The following ITGB3 variants were observed in gnomAD, a reference collection of about 807,000 sequenced individuals.
ITGB3 encodes the protein integrin beta-3.
In ITGB3, 48 loss-of-function variants were observed where a neutral mutation model predicts 85.8. That is an observed-to-expected ratio of 0.56 (90% CI 0.44 to 0.71). The LOEUF (loss-of-function observed/expected upper bound fraction) is 0.71. Ranked by LOEUF, ITGB3 falls within the 30% of genes least tolerant of loss-of-function variation. The pLI is 0.00. For synonymous variants in ITGB3, 363 were observed against 395.6 expected, an observed-to-expected ratio of 0.92 and a Z score of 0.98; for missense variants, 861 against 1,019.1, an observed-to-expected ratio of 0.84 and a Z score of 2.11.
intron 1 of ITGB3, among the ~76,000 whole-genome samples, chr17:47,268,240 C>A (rs770244682): frequency 6.6e-6 from 1 of 152,090 alleles, no homozygotes; most frequent in Non-Finnish European, 1.5e-5. Context: ...ACTGCCAAAC[C>A]ATATCATTTC....
chr17:47,287,911 C>CTTTTTTTT (rs60463106), intron 6 of ITGB3, among the ~76,000 whole-genome samples: 29 of 55,396 alleles, frequency 5.2e-4, no homozygotes, highest in African/African-American at 7.3e-4. Context: ...ACCACCCCTG[C>CTTTTTTTT]TTTTTTTTTT....
chr17:47,280,800 G>A (rs1317815183), intron 2 of ITGB3, among the ~76,000 whole-genome samples: 1 of 152,178 alleles, frequency 6.6e-6, no homozygotes, highest in Non-Finnish European at 1.5e-5. Context: ...CTTGCATCCT[G>A]TTCCCTACCT....
intron 10 of ITGB3, among the ~76,000 whole-genome samples, chr17:47,294,365 A>T (rs1372884371): frequency 6.6e-6 from 1 of 152,254 alleles, no homozygotes; most frequent in Non-Finnish European, 1.5e-5. Flanking sequence ...GGGCACCCCC[A>T]GTCCTCCTCC....
chr17:47,308,730 G>A (rs1196415156), intron 14 of ITGB3, among the ~76,000 whole-genome samples: 1 of 152,144 alleles, frequency 6.6e-6, no homozygotes, highest in Non-Finnish European at 1.5e-5. Context: ...TCGAACTCCT[G>A]ACCTCGTGAT....
At chr17:47,280,641 G>A (rs958957759) in intron 2 of ITGB3, among the ~76,000 whole-genome samples, 4 of 152,216 alleles carry the variant, frequency 2.6e-5, no homozygotes, top group African/African-American at 9.7e-5. Context: ...ACAGGCATGA[G>A]TCATCGCACC....
chr17:47,264,230 C>T (rs1357730556), intron 1 of ITGB3, among the ~76,000 whole-genome samples: 2 of 152,172 alleles, frequency 1.3e-5, no homozygotes, highest in African/African-American at 4.8e-5. Flanking sequence ...GACCTCTAGT[C>T]AGCAAATGGC....
intron 2 of ITGB3, among the ~76,000 whole-genome samples, chr17:47,277,177 G>C (rs16941801): frequency 0.33 from 50,358 of 151,976 alleles, 8,633 homozygotes; most frequent in East Asian, 0.57. Flanking sequence ...GCAAAGAGGC[G>C]GGCTTTATAC....
chr17:47,279,377 G>A (rs556591855), intron 2 of ITGB3: 1 of 152,350 alleles, frequency 6.6e-6, no homozygotes, highest in South Asian at 2.1e-4. Context: ...GGGTTACCAA[G>A]AAAGGGAATG....
At position 47,283,487 on chromosome 17, in the gene ITGB3, C is replaced by G; in HGVS notation, c.299C>G (p.Ser100Cys). ...GACAGGCCCCTCAGCGACAAGGGCT[C>G]TGGAGACAGCTCCCAGGTCACTCAA... ...LEDRPLSDKG[S>C]GDSSQVTQVS... Residue 100 changes from serine (S) to cysteine (C), a missense_variant, in exon 3 of 15, where the codon TCT (serine) becomes TGT (cysteine). By Grantham distance (112) the Ser-to-Cys change is moderately radical. Transcript: ENST00000559488. 1.2e-6 allele frequency: 2 copies of G among 1,614,226 alleles called. No homozygotes were observed. The highest frequency in any genetic ancestry group is 1.7e-6 in the Non-Finnish European group (2 of 1,180,044).
chr17:47,281,361 C>A (rs549934616), intron 2 of ITGB3, among the ~76,000 whole-genome samples: 1 of 152,230 alleles, frequency 6.6e-6, no homozygotes, highest in East Asian at 1.9e-4. Flanking sequence ...GGTAAGGAGC[C>A]CTCATAGACA....
intron 10 of ITGB3, among the ~76,000 whole-genome samples, chr17:47,295,491 C>T (rs1295702629): frequency 6.6e-6 from 1 of 152,164 alleles, no homozygotes; most frequent in Non-Finnish European, 1.5e-5. Flanking sequence ...TGGAAGGGTG[C>T]CAGTCCTGTG....
rs369140365 is a variant in ITGB3 at position 47,292,337 on chromosome 17, C to T, written c.1459C>T (p.Arg487Cys). Reference sequence around the variant, plus strand: ...TGGGACCTTTGAGTGTGGGGTATGCCGTTGTGGGCCTGGCTGGCTGGGATC... The same window carrying T: ...TGGGACCTTTGAGTGTGGGGTATGCTGTTGTGGGCCTGGCTGGCTGGGATC... Reference protein sequence around the residue: ...GNGTFECGVCRCGPGWLGSQC... With the variant: ...GNGTFECGVCCCGPGWLGSQC... The change falls in exon 10 of 15, where the codon CGT (arginine) becomes TGT (cysteine). Residue 487 changes from arginine (R) to cysteine (C), a missense_variant. Arg to Cys is a radical substitution (Grantham distance 180). Transcript: ENST00000559488. 1.3e-5 allele frequency: 21 copies of T among 1,614,048 alleles called. No homozygotes were observed. Among genetic ancestry groups the T allele is most frequent in the Admixed American group, 1.0e-4 (6 of 59,996 alleles).
Position 47,292,314 on chromosome 17 carries a change from G to T in ITGB3, c.1436G>T (p.Gly479Val), listed in dbSNP as rs765833982. ...AGCCATCGCTGCAACAATGGCAATG[G>T]GACCTTTGAGTGTGGGGTATGCCGT... ...PNSHRCNNGN[G>V]TFECGVCRCG... The change falls in exon 10 of 15, where the codon GGG becomes GTG. Residue 479 changes from glycine (G) to valine (V), a missense_variant. Physicochemically the swap from Gly to Val is moderately radical, Grantham distance 109. Coordinates refer to ENST00000559488, the MANE Select transcript of ITGB3 (RefSeq NM_000212.3). The T allele has an allele frequency of 6.2e-7, 1 of 1,614,216 alleles. No individual in the cohort carries two copies. The highest frequency in any genetic ancestry group is 8.5e-7 in the Non-Finnish European group (1 of 1,180,034).
intron 1 of ITGB3, among the ~76,000 whole-genome samples, chr17:47,269,320 A>G (rs1017984401): frequency 1.3e-4 from 20 of 152,288 alleles, no homozygotes; most frequent in African/African-American, 4.8e-4. Context: ...TCCACAGAAA[A>G]TGGGTTTTTC....
chr17:47,275,855 A>G (rs540875036), intron 2 of ITGB3, among the ~76,000 whole-genome samples: 8 of 152,160 alleles, frequency 5.3e-5, no homozygotes, highest in Non-Finnish European at 1.0e-4. Flanking sequence ...GAAGGGGTGT[A>G]AGGGGGGCAT....
chr17:47,295,966 G>A (rs1346009298), intron 10 of ITGB3, among the ~76,000 whole-genome samples: 1 of 152,190 alleles, frequency 6.6e-6, no homozygotes, highest in Non-Finnish European at 1.5e-5. Flanking sequence ...CCTCAGGGTG[G>A]GCCTGGCTTT....
At chr17:47,264,187 G>A (rs1309719073) in intron 1 of ITGB3, among the ~76,000 whole-genome samples, 1 of 152,176 alleles carries the variant, frequency 6.6e-6, no homozygotes. Context: ...TTGAAGAGAG[G>A]TGTTGATTTT....
At chr17:47,292,677 G>A in intron 10 of ITGB3, 109 bp downstream of exon 10, 1 of 1,110,816 alleles carries the variant, frequency 9.0e-7, no homozygotes. Flanking sequence ...AGGCAGAGGT[G>A]TAAGTCAGTG....
In ITGB3 at chr17:47,256,473, ACC is replaced by A. The variant is rs5820648; in HGVS notation, c.79+2543_79+2544del. ...TCTAAAGTCAGACTTCCAGAGTAAT[ACC>A]CCCCCCCCCAACCTCACAAATCAGT... On this transcript the variant is annotated intron_variant, in intron 1 of 14. Transcript: ENST00000559488. 6.8e-3 allele frequency among the ~76,000 whole-genome samples: 898 copies of A among 132,834 alleles called. 5 individuals carry two copies. The highest frequency in any genetic ancestry group is 0.01 in the Non-Finnish European group (641 of 61,310). The allele number at this position is 132,834 out of a possible 152,430, so 87.1% of individuals were successfully genotyped here. A position where few individuals can be genotyped will look rare whatever the true frequency, so the allele number is the denominator to read the frequency against.
Sources: allele counts gnomAD v4.1 joint callset (sites outside exome capture counted in the v4.1 genomes callset), GRCh38; gene constraint gnomAD v4.1.1; transcripts MANE v1.5; gene names NCBI Gene and HGNC (gene_info 2026-07-23, HGNC 2026-07-21).